The following WDR27 variants were observed in gnomAD, a reference collection of about 807,000 sequenced individuals.
The protein encoded by WDR27 is WD repeat domain 27.
WDR27 carries 100 observed loss-of-function variants against 114.4 expected under a neutral mutation model. The ratio of observed to expected loss-of-function variants is 0.87; its 90% confidence interval spans 0.74 to 1.03. The LOEUF is 1.03. Ranked by LOEUF, WDR27 falls within the 50% of genes least tolerant of loss-of-function variation. WDR27 has a pLI of 0.00. For missense variants in WDR27, 1,129 were observed against 1,092.9 expected (o/e 1.03, Z -0.47); for synonymous variants, 449 against 423.1 (o/e 1.06, Z -0.75).
intron 25 of WDR27, among the ~76,000 whole-genome samples, chr6:169,545,893 C>T (rs1196786438): frequency 2.0e-5 from 3 of 151,180 alleles, no homozygotes; most frequent in Non-Finnish European, 4.4e-5. Context: ...TCTCAAAACT[C>T]AACAGGAAAA....
chr6:169,542,007 C>T (rs1189506200), intron 25 of WDR27, among the ~76,000 whole-genome samples: 2 of 152,136 alleles, frequency 1.3e-5, no homozygotes, highest in Admixed American at 6.5e-5. Context: ...CTGCTTCAAA[C>T]TCTTCATAGG....
chr6:169,599,338 A>C (rs974754457), intron 23 of WDR27, among the ~76,000 whole-genome samples: 1 of 152,246 alleles, frequency 6.6e-6, no homozygotes, highest in African/African-American at 2.4e-5. Context: ...GCTATTCAGT[A>C]ACATCTATAA....
chr6:169,692,327 C>A (rs140583629), intron 1 of WDR27, among the ~76,000 whole-genome samples: 2,483 of 152,254 alleles, frequency 0.016, 41 homozygotes, highest in African/African-American at 0.041. Flanking sequence ...AAGCTTCCAA[C>A]TGAATTATGT....
intron 25 of WDR27, among the ~76,000 whole-genome samples, chr6:169,490,865 G>A (rs1294044275): frequency 5.3e-5 from 8 of 152,040 alleles, no homozygotes; most frequent in African/African-American, 1.7e-4. Flanking sequence ...TTGCAGCATC[G>A]TAACTTTGAA....
At chr6:169,470,733 C>T (rs1786258610) in intron 25 of WDR27, among the ~76,000 whole-genome samples, 1 of 152,152 alleles carries the variant, frequency 6.6e-6, no homozygotes, top group South Asian at 2.1e-4. Flanking sequence ...CTCTTTTAAC[C>T]TTAATCACCT....
At chr6:169,588,047 A>C (rs960842925) in intron 23 of WDR27, among the ~76,000 whole-genome samples, 7 of 152,212 alleles carry the variant, frequency 4.6e-5, no homozygotes, top group Non-Finnish European at 1.0e-4. Flanking sequence ...AAACACAATG[A>C]AAAATACACG....
intron 4 of WDR27, 79 bp from the exon 5 acceptor site, chr6:169,668,264 G>A: frequency 6.9e-7 from 1 of 1,455,028 alleles, no homozygotes; most frequent in Non-Finnish European, 9.5e-7. Context: ...AAAGTCAGGT[G>A]TCTGAGCTAA....
At chr6:169,620,292 C>T (rs1190277583) in intron 21 of WDR27, among the ~76,000 whole-genome samples, 1 of 152,164 alleles carries the variant, frequency 6.6e-6, no homozygotes, top group African/African-American at 2.4e-5. Flanking sequence ...AAACCTGCCT[C>T]CCATTCTATT....
chr6:169,533,619 T>C (rs756645910), intron 25 of WDR27, among the ~76,000 whole-genome samples: 4 of 152,116 alleles, frequency 2.6e-5, no homozygotes, highest in East Asian at 1.9e-4. Flanking sequence ...AGATCCCACA[T>C]TGGGCACCAC....
chr6:169,576,661 G>C (rs1159146637), intron 24 of WDR27, among the ~76,000 whole-genome samples: 3 of 151,850 alleles, frequency 2.0e-5, no homozygotes, highest in African/African-American at 7.3e-5. Context: ...CAGCTACTTA[G>C]GAGGTTGAGG....
At chr6:169,555,376 A>C (rs1022583796) in intron 25 of WDR27, among the ~76,000 whole-genome samples, 6 of 152,114 alleles carry the variant, frequency 3.9e-5, no homozygotes, top group African/African-American at 1.4e-4. Context: ...AGAGGAGGAG[A>C]GGGCTCTGGG....
Position 169,658,967 on chromosome 6 carries a change from G to A in WDR27, c.1319+119C>T, listed in dbSNP as rs1052279474. ...CTCCCAAAGTGCTGGGATTATAGGC[G>A]TGAGCCACCGCGCCCGGCCAGAGCT... On this transcript the variant is annotated intron_variant, in intron 12 of 25. Coordinates refer to ENST00000448612, the MANE Select transcript of WDR27 (RefSeq NM_182552.5). The A allele has an allele frequency of 2.9e-5, 40 of 1,376,764 alleles. No individual in the cohort carries two copies. The African/African-American group carries it at 4.7e-4, about 16-fold the overall frequency. The allele number at this position is 1,376,764 out of a possible 1,614,324, so 85.3% of individuals were successfully genotyped here.
intron 21 of WDR27, among the ~76,000 whole-genome samples, chr6:169,621,839 T>C (rs1303257297): frequency 6.6e-6 from 1 of 152,110 alleles, no homozygotes; most frequent in African/African-American, 2.4e-5. Flanking sequence ...TATTCACGCA[T>C]ATACACACAT....
intron 25 of WDR27, among the ~76,000 whole-genome samples, chr6:169,553,939 C>T (rs1479803999): frequency 6.6e-6 from 1 of 152,204 alleles, no homozygotes; most frequent in African/African-American, 2.4e-5. Flanking sequence ...AGGTCTATGA[C>T]ATCTTACAAT....
chr6:169,682,598 G>A lies in WDR27; in HGVS notation c.189+6219C>T, dbSNP rs547186787. The stretch of plus-strand genomic sequence containing the variant: ...AATCCCTGGAAGGCCCTCTGAAGAA[G>A]GACAGGCACAAACAAAGCCAGACTT... On this transcript the variant is annotated intron_variant, in intron 2 of 25. Coordinates refer to ENST00000448612, the MANE Select transcript of WDR27 (RefSeq NM_182552.5). 3.3e-5 allele frequency among the ~76,000 whole-genome samples: 5 copies of A among 152,308 alleles called. 1 individual carries two copies. The Middle Eastern group carries it at 0.014, about 414-fold the overall frequency.
chr6:169,556,105 G>A (rs1195375564), intron 25 of WDR27, among the ~76,000 whole-genome samples: 1 of 152,186 alleles, frequency 6.6e-6, no homozygotes, highest in Non-Finnish European at 1.5e-5. Flanking sequence ...CATCCTGCTG[G>A]AGTCTCTCTC....
intron 24 of WDR27, among the ~76,000 whole-genome samples, chr6:169,575,698 TA>T (rs1802224256): frequency 6.6e-6 from 1 of 152,186 alleles, no homozygotes; most frequent in South Asian, 2.1e-4. Context: ...TTTCCTAAAA[TA>T]AAAATTTCAA....
intron 19 of WDR27, among the ~76,000 whole-genome samples, chr6:169,635,830 A>T (rs910772407): frequency 2.6e-5 from 4 of 152,260 alleles, no homozygotes; most frequent in African/African-American, 9.6e-5. Context: ...TACAGCAAAA[A>T]TACAAAACTA....
chr6:169,493,429 T>A (rs370292730), intron 25 of WDR27, among the ~76,000 whole-genome samples: 5 of 152,140 alleles, frequency 3.3e-5, no homozygotes, highest in Non-Finnish European at 7.4e-5. Context: ...TTCAGAAGCA[T>A]ATATACTACT....
Sources: allele counts gnomAD v4.1 joint callset (sites outside exome capture counted in the v4.1 genomes callset), GRCh38; gene constraint gnomAD v4.1.1; transcripts MANE v1.5; gene names NCBI Gene and HGNC (gene_info 2026-07-23, HGNC 2026-07-21).